The following KAT14 variants were observed in gnomAD, a reference collection of about 807,000 sequenced individuals.
The protein encoded by KAT14 is lysine acetyltransferase 14, also known as cysteine-rich protein 2-binding protein.
Under a neutral mutation model 78.4 loss-of-function variants are expected in KAT14, and 66 were observed. The ratio of observed to expected loss-of-function variants is 0.84; its 90% CI spans 0.69 to 1.03. The LOEUF is 1.03. Ranked by LOEUF, KAT14 falls within the 50% of genes least tolerant of loss-of-function variation. The pLI is 0.00. For synonymous variants in KAT14, 344 were observed against 359.4 expected (o/e 0.96, Z 0.48); for missense variants, 870 against 972.5 (o/e 0.89, Z 1.40).
upstream of KAT14, among the ~76,000 whole-genome samples, chr20:18,137,594 C>G (rs1325596352): frequency 6.6e-6 from 1 of 152,192 alleles, no homozygotes; most frequent in Non-Finnish European, 1.5e-5. Flanking sequence ...CCAGACCCCG[C>G]CCGGGGTGAG....
intron 10 of KAT14, among the ~76,000 whole-genome samples, chr20:18,186,845 TAGC>T (rs2039466978): frequency 6.6e-6 from 1 of 152,194 alleles, no homozygotes; most frequent in South Asian, 2.1e-4. Context: ...GCATGTAATT[TAGC>T]AGGCCTAGTA....
At chr20:18,138,587 C>A in intron 1 of KAT14, 1 of 415,960 alleles carries the variant, frequency 2.4e-6, no homozygotes, top group Non-Finnish European at 3.2e-6. Context: ...TACTCACTCT[C>A]CATGCCTTTG....
intron 4 of KAT14, 114 bp from the exon 5 acceptor site, chr20:18,158,970 A>G (rs1218389819): frequency 6.2e-6 from 8 of 1,289,492 alleles, no homozygotes; most frequent in African/African-American, 1.5e-5. Flanking sequence ...CTGCTCCTTC[A>G]GTAGCTGGAG....
In KAT14 at chr20:18,143,845, G is replaced by A. The variant is rs540041931; in HGVS notation, c.259+926G>A. 7.9e-5 allele frequency among the ~76,000 whole-genome samples: 12 copies of A among 151,926 alleles called. No individual in the cohort carries two copies. In the East Asian group the frequency reaches 2.3e-3, roughly 30 times the overall value. On this transcript the variant is annotated intron_variant, in intron 2 of 10. Coordinates refer to ENST00000688188, the MANE Select transcript of KAT14 (RefSeq NM_001392073.1). ...TTTCTTCTCCATGTTGGTCAGGCTG[G>A]TCTCAAACTCCCAACCTCAGGTGAT... is the stretch of plus-strand genomic sequence containing the variant.
chr20:18,172,103 CT>C (rs914237136), intron 7 of KAT14, among the ~76,000 whole-genome samples: 308 of 146,282 alleles, frequency 2.1e-3, no homozygotes, highest in African/African-American at 5.6e-3. Context: ...ATAGTGTCAA[CT>C]TTTTTTTTTT....
chr20:18,171,742 G>A (rs2038852144), intron 7 of KAT14, among the ~76,000 whole-genome samples: 1 of 152,182 alleles, frequency 6.6e-6, no homozygotes, highest in Non-Finnish European at 1.5e-5. Context: ...AACCTGGGAG[G>A]TGGAGGTCTC....
chr20:18,137,251 T>C (rs995929935), upstream of KAT14, among the ~76,000 whole-genome samples: 13 of 152,014 alleles, frequency 8.6e-5, no homozygotes, highest in Non-Finnish European at 5.9e-5. Context: ...ATCGCGCCAC[T>C]GCACTCCAGC....
intron 7 of KAT14, among the ~76,000 whole-genome samples, chr20:18,171,847 G>A (rs2146478702): frequency 6.6e-6 from 1 of 152,160 alleles, no homozygotes; most frequent in Admixed American, 6.5e-5. Flanking sequence ...GGAAGAGCAG[G>A]TCAATGTGGC....
chr20:18,145,228 C>G lies in KAT14; in HGVS notation c.260-5C>G. 6.2e-7 allele frequency: 1 copy of G among 1,612,532 alleles called. No individual in the cohort carries two copies. Among genetic ancestry groups the G allele is most frequent in the South Asian group, 1.1e-5 (1 of 90,858 alleles). ...CCATGATGTGACTTTTTGTTTTTCT[C>G]CTAGGTCAGCTGAGGGAACAGCTCA... On this transcript the variant is annotated splice_polypyrimidine_tract_variant and splice_region_variant and intron_variant, in intron 2 of 10. Transcript: ENST00000688188.
chr20:18,187,379 G>T lies in KAT14; in HGVS notation c.2266G>T (p.Val756Leu). 1 of 1,614,212 alleles carries T rather than the reference G, an allele frequency of 6.2e-7. No homozygotes were observed. The highest frequency in any genetic ancestry group is 1.3e-5 in the African/African-American group (1 of 75,072). The change falls in exon 11 of 11, where the codon GTA (valine) becomes TTA (leucine). Residue 756 changes from valine to leucine, a missense_variant. Physicochemically the swap from Val to Leu is conservative, Grantham distance 32. Transcript: ENST00000688188. ...QKFGFKTEEY[V>L]LDFYDKYYPL... Reference sequence around the variant, plus strand: ...GTTTGGATTCAAGACTGAAGAATATGTATTAGATTTCTATGATAAATATTA... The same window carrying T: ...GTTTGGATTCAAGACTGAAGAATATTTATTAGATTTCTATGATAAATATTA...
Position 18,162,569 on chromosome 20 carries a change from A to T in KAT14, c.1292A>T (p.Asp431Val). The stretch of plus-strand genomic sequence containing the variant: ...ATGGATATTGACAGTGAAGACACAG[A>T]TTCAAACACATCTTTGCAAACAAGG... Reference protein sequence around the residue: ...DRMDIDSEDTDSNTSLQTRAR... With the variant: ...DRMDIDSEDTVSNTSLQTRAR... Residue 431 changes from aspartate to valine, a missense_variant, in exon 7 of 11, where the codon GAT becomes GTT. Physicochemically the swap from Asp to Val is radical, Grantham distance 152. Coordinates refer to ENST00000688188, the MANE Select transcript of KAT14 (RefSeq NM_001392073.1). 1 of 1,614,204 alleles carries T rather than the reference A, an allele frequency of 6.2e-7. No individual in the cohort carries two copies.
At position 18,161,835 on chromosome 20, in the gene KAT14, C is replaced by T. The variant is rs752298418; in HGVS notation, c.695C>T (p.Thr232Ile). ...TCTTTCTTAGCAGCCTCAAAACCAA[C>T]TTTAGATCCCATCATTACTGTTGAG... Reference protein sequence around the residue: ...STLKIKASKPTLDPIITVEGL... With the variant: ...STLKIKASKPILDPIITVEGL... Residue 232 changes from threonine (T) to isoleucine (I), a missense_variant, in exon 6 of 11, where the codon ACT (threonine) becomes ATT (isoleucine). Thr to Ile is a moderately conservative substitution (Grantham distance 89). Coordinates refer to ENST00000688188, the MANE Select transcript of KAT14 (RefSeq NM_001392073.1). 6.2e-7 allele frequency: 1 copy of T among 1,613,444 alleles called. No homozygotes were observed. The highest frequency in any genetic ancestry group is 8.5e-7 in the Non-Finnish European group (1 of 1,179,848).
chr20:18,155,565 T>A (rs1375319641), intron 4 of KAT14, among the ~76,000 whole-genome samples: 2 of 152,100 alleles, frequency 1.3e-5, no homozygotes, highest in Admixed American at 1.3e-4. Flanking sequence ...GCTCCCCTCA[T>A]TGCAAAAATG....
rs543009003 is a variant in KAT14, at chr20:18,144,597, A to T, written c.260-636A>T. Among the ~76,000 whole-genome samples, 5 of 152,282 alleles carry T rather than the reference A, an allele frequency of 3.3e-5. No individual in the cohort carries two copies. The South Asian group carries it at 8.3e-4, about 25-fold the overall frequency. On this transcript the variant is annotated intron_variant, in intron 2 of 10. Transcript: ENST00000688188. ...ATTTACCCTCACACTGCCCTGTGGT[A>T]CACAGCACATTCCATTCCTTATGTG...
At chr20:18,156,030 T>C (rs2038212501) in intron 4 of KAT14, among the ~76,000 whole-genome samples, 1 of 152,194 alleles carries the variant, frequency 6.6e-6, no homozygotes, top group Non-Finnish European at 1.5e-5. Context: ...ATGTGGCATA[T>C]ACATACAGTG....
chr20:18,185,558 T>C (rs2039424820), intron 10 of KAT14, among the ~76,000 whole-genome samples: 1 of 152,248 alleles, frequency 6.6e-6, no homozygotes, highest in East Asian at 1.9e-4. Flanking sequence ...AAGGCTGATA[T>C]GAACCTTCTA....
chr20:18,181,877 G>T (rs1316406726), intron 8 of KAT14, 31 bp downstream of exon 8: 1 of 1,612,184 alleles, frequency 6.2e-7, no homozygotes, highest in South Asian at 1.1e-5. Context: ...GTGATGTCAG[G>T]TGTGTCATGA....
intron 7 of KAT14, among the ~76,000 whole-genome samples, chr20:18,176,883 A>G (rs11905016): frequency 0.32 from 47,894 of 152,010 alleles, 8,400 homozygotes; most frequent in Non-Finnish European, 0.41. Context: ...GTATGGGTGT[A>G]AGAGTGGGAG....
At chr20:18,137,589 C>A (rs540057580), upstream of KAT14, among the ~76,000 whole-genome samples, 1 of 152,304 alleles carries the variant, frequency 6.6e-6, no homozygotes, top group Admixed American at 6.5e-5. Flanking sequence ...GGTATCCAGA[C>A]CCCGCCCGGG....
Sources: gnomAD v4.1 joint callset for allele counts (sites outside exome capture counted in the v4.1 genomes callset) on GRCh38, gnomAD v4.1.1 for gene constraint, MANE v1.5 for transcripts, NCBI Gene and HGNC (gene_info 2026-07-23, HGNC 2026-07-21) for gene names.